The following SOX5 variants were observed in gnomAD, a reference collection of about 807,000 sequenced individuals.
SOX5 encodes transcription factor SOX-5.
Under a neutral mutation model 92.0 loss-of-function variants are expected in SOX5, and 9 were observed. That is an observed-to-expected ratio of 0.10 (90% CI 0.06 to 0.17). The LOEUF (loss-of-function observed/expected upper bound fraction) is 0.17, where lower values mean the gene tolerates loss of function less well. Among genes scored for constraint, SOX5 ranks in the 10% least tolerant of loss-of-function variants. The pLI is 1.00. For synonymous variants in SOX5, 344 were observed against 336.3 expected (o/e 1.02, Z -0.25); for missense variants, 642 against 944.5 (o/e 0.68, Z 4.20).
chr12:24,270,349 C>T (rs1268775694), intron 3 of SOX5, among the ~76,000 whole-genome samples: 3 of 152,114 alleles, frequency 2.0e-5, no homozygotes, highest in East Asian at 1.9e-4. Flanking sequence ...GTAAGCACCA[C>T]GCCTGGCCTA....
At chr12:24,049,538 C>T (rs574292213) in intron 4 of SOX5, among the ~76,000 whole-genome samples, 7 of 151,262 alleles carry the variant, frequency 4.6e-5, no homozygotes, top group African/African-American at 1.7e-4. Flanking sequence ...TTTAGTCCTG[C>T]AGCTAATCAT....
At chr12:24,293,883 T>C (rs1431936951) in intron 2 of SOX5, among the ~76,000 whole-genome samples, 1 of 152,216 alleles carries the variant, frequency 6.6e-6, no homozygotes, top group Non-Finnish European at 1.5e-5. Flanking sequence ...GTATCAAACC[T>C]AGTTTATATC....
intron 13 of SOX5, among the ~76,000 whole-genome samples, chr12:23,539,726 G>C (rs1404360963): frequency 2.0e-5 from 3 of 152,088 alleles, no homozygotes; most frequent in Non-Finnish European, 4.4e-5. Context: ...TTATAAAATA[G>C]TTTAACTCTT....
At chr12:23,689,181 C>T (rs780308359) in intron 6 of SOX5, among the ~76,000 whole-genome samples, 1 of 152,134 alleles carries the variant, frequency 6.6e-6, no homozygotes, top group Non-Finnish European at 1.5e-5. Context: ...TCTTTGTTTT[C>T]TCCTCCCCAA....
In SOX5 at chr12:24,402,702, AAAAG is replaced by A. The variant is rs1962030020; in HGVS notation, c.-250-34067_-250-34064del. ...CATAACAGAGGTGTAGCAGTATAAA[AAAAG>A]AAAGCCTGAGTTTTTAACTGGTTGA... On this transcript the variant is annotated intron_variant, in intron 1 of 4. Transcript: ENST00000446891. Among the ~76,000 whole-genome samples the A allele has an allele frequency of 3.3e-5, 5 of 152,318 alleles. No homozygotes were observed. The South Asian group carries it at 1.0e-3, about 32-fold the overall frequency.
At chr12:24,277,443 C>T (rs1264953239) in intron 2 of SOX5, 2 of 50,476 alleles carry the variant, frequency 4.0e-5, no homozygotes, top group African/African-American at 1.0e-4. Context: ...AATTGATAAA[C>T]CATTATATAT....
intron 4 of SOX5, among the ~76,000 whole-genome samples, chr12:24,006,862 G>A (rs141607939): frequency 0.017 from 2,618 of 151,886 alleles, 43 homozygotes; most frequent in African/African-American, 0.038. Context: ...AAGTGGGTGC[G>A]GTGCCTCACG....
intron 1 of SOX5, among the ~76,000 whole-genome samples, chr12:23,906,298 T>A (rs1188863363): frequency 6.6e-6 from 1 of 152,240 alleles, no homozygotes; most frequent in African/African-American, 2.4e-5. Flanking sequence ...ATTCTAGAAC[T>A]TTTTATTTAT....
chr12:23,610,968 GATAA>G (rs1205962280), intron 8 of SOX5, among the ~76,000 whole-genome samples: 1 of 152,070 alleles, frequency 6.6e-6, no homozygotes, highest in Non-Finnish European at 1.5e-5. Context: ...CCTTCTTTTT[GATAA>G]ATAAATATAC....
At chr12:23,934,247 C>CATA (rs1271679846) in intron 1 of SOX5, among the ~76,000 whole-genome samples, 1 of 151,220 alleles carries the variant, frequency 6.6e-6, no homozygotes, top group East Asian at 1.9e-4. Flanking sequence ...AAATAATAAA[C>CATA]ATAAACTTCA....
At chr12:23,826,245 G>A (rs949889608) in intron 3 of SOX5, among the ~76,000 whole-genome samples, 1 of 145,004 alleles carries the variant, frequency 6.9e-6, no homozygotes, top group African/African-American at 2.6e-5. Flanking sequence ...TCATTGTTCA[G>A]TTCCCACCTA....
intron 1 of SOX5, among the ~76,000 whole-genome samples, chr12:23,944,735 G>A (rs1944260588): frequency 6.6e-6 from 1 of 152,026 alleles, no homozygotes; most frequent in Non-Finnish European, 1.5e-5. Context: ...AATGAAGGAA[G>A]GAAGACTTTG....
chr12:23,945,648 A>T (rs1403577927), intron 1 of SOX5, among the ~76,000 whole-genome samples: 1 of 152,162 alleles, frequency 6.6e-6, no homozygotes, highest in Admixed American at 6.6e-5. Flanking sequence ...TCTACAATGT[A>T]GTAGTAAATA....
At chr12:24,347,264 T>C (rs141979809) in intron 2 of SOX5, among the ~76,000 whole-genome samples, 57 of 152,314 alleles carry the variant, frequency 3.7e-4, no homozygotes, top group Admixed American at 3.3e-4. Context: ...CTAGATATAA[T>C]TTAAAGTATA....
At chr12:24,058,492 C>G (rs1939028770) in intron 4 of SOX5, among the ~76,000 whole-genome samples, 1 of 152,134 alleles carries the variant, frequency 6.6e-6, no homozygotes, top group Non-Finnish European at 1.5e-5. Context: ...GGATGCCCCA[C>G]TTGTTTTTAT....
Position 23,648,540 on chromosome 12 carries a change from G to A in SOX5, c.932-7643C>T, listed in dbSNP as rs569396139. 3.9e-5 allele frequency among the ~76,000 whole-genome samples: 6 copies of A among 152,284 alleles called. No homozygotes were observed. In the East Asian group the frequency reaches 9.7e-4, roughly 25 times the overall value. On this transcript the variant is annotated intron_variant, in intron 7 of 14. Transcript: ENST00000451604. ...GGTGACTTAACCAAATATGTCTGGTGTTCTTATAAGCAGAACAGATTAGGA... is the reference window on the plus strand; with the variant it reads ...GGTGACTTAACCAAATATGTCTGGTATTCTTATAAGCAGAACAGATTAGGA...
intron 8 of SOX5, among the ~76,000 whole-genome samples, chr12:23,606,240 T>C (rs1454596533): frequency 3.3e-5 from 5 of 151,914 alleles, no homozygotes; most frequent in Non-Finnish European, 2.9e-5. Context: ...CTCTGACCAG[T>C]AGAATGCATG....
chr12:24,437,777 A>C (rs1171608072), intron 1 of SOX5, among the ~76,000 whole-genome samples: 2 of 152,238 alleles, frequency 1.3e-5, no homozygotes, highest in Non-Finnish European at 1.5e-5. Flanking sequence ...TAAAGTCAGG[A>C]AACAACAGAT....
chr12:24,506,268 A>G (rs1597398143), intron 1 of SOX5, among the ~76,000 whole-genome samples: 1 of 152,284 alleles, frequency 6.6e-6, no homozygotes, highest in South Asian at 2.1e-4. Context: ...CCCTTTTAAA[A>G]CATTTTCCAC....
Sources: gnomAD v4.1 joint callset for allele counts (sites outside exome capture counted in the v4.1 genomes callset) on GRCh38, gnomAD v4.1.1 for gene constraint, MANE v1.5 for transcripts, NCBI Gene and HGNC (gene_info 2026-07-23, HGNC 2026-07-21) for gene names.